The following C2orf42 variants were observed in gnomAD, a reference collection of about 807,000 sequenced individuals.
C2orf42 encodes the protein uncharacterized protein C2orf42.
In C2orf42, 44 loss-of-function variants were observed where a neutral mutation model predicts 58.9. That is an observed-to-expected ratio of 0.75 (90% confidence interval 0.59 to 0.96). C2orf42 has a LOEUF of 0.96. Ranked by LOEUF, C2orf42 falls within the 40% of genes least tolerant of loss-of-function variation. The pLI, the probability that C2orf42 is intolerant of heterozygous loss-of-function variation, is 0.00. For synonymous variants in C2orf42, 239 were observed against 265.4 expected, an observed-to-expected ratio of 0.90 and a Z score of 0.97; for missense variants, 630 against 699.2, an observed-to-expected ratio of 0.90 and a Z score of 1.12.
chr2:70,186,755 A>T lies in C2orf42; in HGVS notation c.-281-3820T>A, dbSNP rs554538866. On this transcript the variant is annotated intron_variant, in intron 1 of 9. Transcript: ENST00000264434. ...TAAGAAAATGTGGCACATATACACCATGGAATACTATGCAGCCATAAAAAA... is the reference window on the plus strand; with the variant it reads ...TAAGAAAATGTGGCACATATACACCTTGGAATACTATGCAGCCATAAAAAA... 2.3e-3 allele frequency among the ~76,000 whole-genome samples: 348 copies of T among 152,328 alleles called. 2 individuals carry two copies. Among genetic ancestry groups the T allele is most frequent in the African/African-American group, 8.0e-3 (331 of 41,592 alleles).
intron 9 of C2orf42, among the ~76,000 whole-genome samples, chr2:70,151,264 G>C (rs1473625214): frequency 6.6e-6 from 1 of 152,130 alleles, no homozygotes; most frequent in African/African-American, 2.4e-5. Flanking sequence ...TGGGAGGACT[G>C]CTTGAACCCA....
At chr2:70,158,984 T>C (rs1164945563) in intron 9 of C2orf42, among the ~76,000 whole-genome samples, 1 of 141,878 alleles carries the variant, frequency 7.0e-6, no homozygotes, top group Admixed American at 7.6e-5. Flanking sequence ...CGATCTCGGC[T>C]CACTGCAAGC....
At chr2:70,163,332 C>T (rs1028945766) in intron 8 of C2orf42, among the ~76,000 whole-genome samples, 2 of 151,736 alleles carry the variant, frequency 1.3e-5, no homozygotes, top group African/African-American at 2.4e-5. Flanking sequence ...GCAAGCTCCG[C>T]CTCCCGGGTT....
chr2:70,158,884 G>A (rs1420946332), intron 9 of C2orf42, among the ~76,000 whole-genome samples: 9 of 148,954 alleles, frequency 6.0e-5, no homozygotes, highest in Admixed American at 3.4e-4. Flanking sequence ...GAGCCACCGC[G>A]CTCGGCCGAG....
chr2:70,163,338 G>A (rs185501992), intron 8 of C2orf42, among the ~76,000 whole-genome samples: 3,887 of 151,574 alleles, frequency 0.026, 349 homozygotes, highest in Admixed American at 0.17. Flanking sequence ...TCCGCCTCCC[G>A]GGTTCACACC....
At chr2:70,166,359 G>C (rs188805245) in intron 6 of C2orf42, among the ~76,000 whole-genome samples, 12 of 145,524 alleles carry the variant, frequency 8.2e-5, no homozygotes, top group Admixed American at 2.1e-4. Context: ...CCCTCAAAAA[G>C]GAAAAAAAAA....
At chr2:70,166,703 C>T (rs1673429174) in intron 6 of C2orf42, among the ~76,000 whole-genome samples, 3 of 151,832 alleles carry the variant, frequency 2.0e-5, no homozygotes, top group Non-Finnish European at 4.4e-5. Flanking sequence ...AATGAAAAAA[C>T]AAACCAACAC....
At chr2:70,170,428 A>T (rs1673731197) in intron 5 of C2orf42, among the ~76,000 whole-genome samples, 1 of 151,658 alleles carries the variant, frequency 6.6e-6, no homozygotes, top group Non-Finnish European at 1.5e-5. Flanking sequence ...TTTCTTTTTA[A>T]TAGAGACAGG....
chr2:70,158,327 T>G (rs532771158), intron 9 of C2orf42, among the ~76,000 whole-genome samples: 1 of 152,114 alleles, frequency 6.6e-6, no homozygotes, highest in Non-Finnish European at 1.5e-5. Context: ...TACAAGGTAC[T>G]GAGGACAGGG....
intron 9 of C2orf42, among the ~76,000 whole-genome samples, chr2:70,157,819 C>G (rs1042404799): frequency 2.6e-5 from 4 of 152,082 alleles, no homozygotes; most frequent in African/African-American, 9.7e-5. Flanking sequence ...AAACTATATA[C>G]GAGTTTATAT....
chr2:70,163,483 G>A (rs1361222087), intron 8 of C2orf42, among the ~76,000 whole-genome samples: 1 of 151,782 alleles, frequency 6.6e-6, no homozygotes, highest in Non-Finnish European at 1.5e-5. Context: ...CTGACCTCGT[G>A]ATCCACCCGC....
At chr2:70,167,854 G>C (rs1336198052) in intron 6 of C2orf42, among the ~76,000 whole-genome samples, 2 of 152,142 alleles carry the variant, frequency 1.3e-5, no homozygotes, top group African/African-American at 4.8e-5. Context: ...AGATGGAATA[G>C]AGGGTGGTAC....
At chr2:70,157,251 G>A (rs1303438985) in intron 9 of C2orf42, among the ~76,000 whole-genome samples, 2 of 150,028 alleles carry the variant, frequency 1.3e-5, no homozygotes, top group African/African-American at 4.9e-5. Flanking sequence ...TCAGGAGATC[G>A]AGACCATCCT....
intron 1 of C2orf42, among the ~76,000 whole-genome samples, chr2:70,189,226 G>A (rs1675156084): frequency 6.6e-6 from 1 of 150,648 alleles, no homozygotes; most frequent in South Asian, 2.1e-4. Flanking sequence ...GAACAACATG[G>A]AGAAACCCTA....
intron 2 of C2orf42, among the ~76,000 whole-genome samples, chr2:70,182,228 T>G (rs1674632551): frequency 6.6e-6 from 1 of 152,096 alleles, no homozygotes; most frequent in African/African-American, 2.4e-5. Flanking sequence ...GCCTCCCGAA[T>G]AGCTGGGACT....
At position 70,181,997 on chromosome 2, in the gene C2orf42, C is replaced by T. The variant is rs771107582; in HGVS notation, c.-12G>A. The T allele has an allele frequency of 1.4e-6, 2 of 1,468,374 alleles. No homozygotes were observed. Among genetic ancestry groups the T allele is most frequent in the Admixed American group, 3.5e-5 (2 of 57,664 alleles). The allele number at this position is 1,468,374 out of a possible 1,614,324, so 91.0% of individuals were successfully genotyped here. Reference sequence around the variant, plus strand: ...GAATTTGGTTCCATTTTTCAGAGGCCCTACAAAAGACAATACATCCAACAG... The same window carrying T: ...GAATTTGGTTCCATTTTTCAGAGGCTCTACAAAAGACAATACATCCAACAG... On this transcript the variant is annotated splice_region_variant and 5_prime_UTR_variant, in exon 3 of 10. Transcript: ENST00000264434.
chr2:70,178,695 G>C (rs1355805407), intron 4 of C2orf42, among the ~76,000 whole-genome samples: 2 of 151,910 alleles, frequency 1.3e-5, no homozygotes, highest in Admixed American at 1.3e-4. Flanking sequence ...AGCACTATGG[G>C]AAGCCAAAGC....
At chr2:70,187,273 G>A (rs1175986979) in intron 1 of C2orf42, among the ~76,000 whole-genome samples, 6 of 152,108 alleles carry the variant, frequency 3.9e-5, no homozygotes, top group East Asian at 3.9e-4. Context: ...TGTTGACAAC[G>A]GAGTTTCGCT....
intron 4 of C2orf42, among the ~76,000 whole-genome samples, chr2:70,179,005 A>G (rs1234431031): frequency 1.3e-5 from 2 of 152,032 alleles, no homozygotes; most frequent in Non-Finnish European, 1.5e-5. Context: ...GAAGACAATA[A>G]CCTATATTTC....
Sources: gnomAD v4.1 joint callset for allele counts (sites outside exome capture counted in the v4.1 genomes callset) on GRCh38, gnomAD v4.1.1 for gene constraint, MANE v1.5 for transcripts, NCBI Gene and HGNC (gene_info 2026-07-23, HGNC 2026-07-21) for gene names.